NRG3: variants seen among roughly 807,000 people sequenced by gnomAD.
NRG3 encodes neuregulin 3.
Under a neutral mutation model 66.9 loss-of-function variants are expected in NRG3, and 31 were observed. That is an observed-to-expected ratio of 0.46 (90% CI 0.35 to 0.63). The LOEUF (loss-of-function observed/expected upper bound fraction) is 0.63. Among genes scored for constraint, NRG3 ranks in the 20% least tolerant of loss-of-function variants. NRG3 has a pLI of 0.00. For synonymous variants in NRG3, 393 were observed against 359.4 expected (o/e 1.09, Z -1.06); for missense variants, 910 against 878.9 (o/e 1.04, Z -0.45).
intron 1 of NRG3, among the ~76,000 whole-genome samples, chr10:82,172,924 C>T (rs545386854): frequency 1.4e-4 from 22 of 152,210 alleles, no homozygotes; most frequent in African/African-American, 5.3e-4. Context: ...AATTACCTCT[C>T]TCTCTATTAC....
At chr10:81,990,053 A>G (rs1403246496) in intron 1 of NRG3, among the ~76,000 whole-genome samples, 2 of 152,288 alleles carry the variant, frequency 1.3e-5, no homozygotes, top group African/African-American at 4.8e-5. Context: ...AAGAGGCAAA[A>G]TATGCAAAGA....
chr10:81,984,227 G>A (rs1479804553), intron 1 of NRG3, among the ~76,000 whole-genome samples: 1 of 152,256 alleles, frequency 6.6e-6, no homozygotes, highest in East Asian at 1.9e-4. Flanking sequence ...GTTATTTTAA[G>A]CCACTGAAGG....
At chr10:82,197,781 C>A (rs1432991204) in intron 1 of NRG3, among the ~76,000 whole-genome samples, 2 of 152,052 alleles carry the variant, frequency 1.3e-5, no homozygotes, top group Non-Finnish European at 2.9e-5. Flanking sequence ...ATCTGAGAAA[C>A]AAAAATTTTG....
intron 2 of NRG3, among the ~76,000 whole-genome samples, chr10:82,605,110 T>G (rs541789825): frequency 6.6e-6 from 1 of 152,202 alleles, no homozygotes; most frequent in East Asian, 1.9e-4. Flanking sequence ...ACATTCTTAC[T>G]TTGTTTCTGA....
At chr10:81,912,055 C>T (rs756495214) in intron 1 of NRG3, among the ~76,000 whole-genome samples, 28 of 152,084 alleles carry the variant, frequency 1.8e-4, no homozygotes, top group Non-Finnish European at 3.1e-4. Context: ...AAACAATCAC[C>T]GTTAGAAATC....
At chr10:82,485,925 T>A (rs1406916538) in intron 2 of NRG3, among the ~76,000 whole-genome samples, 1 of 152,118 alleles carries the variant, frequency 6.6e-6, no homozygotes, top group Admixed American at 6.6e-5. Context: ...TCTAAAAATG[T>A]AAGAAACTTC....
At chr10:82,877,509 G>A (rs919047221) in intron 4 of NRG3, among the ~76,000 whole-genome samples, 1 of 148,504 alleles carries the variant, frequency 6.7e-6, no homozygotes, top group Non-Finnish European at 1.5e-5. Context: ...GAGTAGCTGG[G>A]ATTACAGGTG....
intron 2 of NRG3, among the ~76,000 whole-genome samples, chr10:82,394,220 C>T (rs187116005): frequency 2.0e-5 from 3 of 152,288 alleles, no homozygotes; most frequent in South Asian, 2.1e-4. Context: ...TCATGTCACA[C>T]TCTGCTTGGC....
chr10:82,472,112 C>T (rs1841323734), intron 2 of NRG3, among the ~76,000 whole-genome samples: 1 of 151,774 alleles, frequency 6.6e-6, no homozygotes, highest in Non-Finnish European at 1.5e-5. Context: ...AACCATAATC[C>T]TTTAATCTTC....
At chr10:82,558,755 C>T (rs939981375) in intron 2 of NRG3, among the ~76,000 whole-genome samples, 2 of 151,990 alleles carry the variant, frequency 1.3e-5, no homozygotes, top group African/African-American at 4.8e-5. Context: ...TTCTTTTAAC[C>T]TCTACTATTC....
chr10:81,931,720 T>C (rs1339249304), intron 1 of NRG3, among the ~76,000 whole-genome samples: 1 of 152,128 alleles, frequency 6.6e-6, no homozygotes, highest in Non-Finnish European at 1.5e-5. Context: ...ACCTCATCGT[T>C]CCCCCTTTTC....
intron 2 of NRG3, among the ~76,000 whole-genome samples, chr10:82,422,295 G>C (rs1464826265): frequency 6.6e-6 from 1 of 152,030 alleles, no homozygotes; most frequent in African/African-American, 2.4e-5. Context: ...CATGTTGTGA[G>C]ATATGTTTGA....
intron 4 of NRG3, among the ~76,000 whole-genome samples, chr10:82,946,531 C>T (rs1849039301): frequency 6.6e-6 from 1 of 151,048 alleles, no homozygotes; most frequent in Admixed American, 6.6e-5. Context: ...GAGCAGGACT[C>T]TGCCTCAAAA....
At chr10:82,871,943 G>A (rs940176630) in intron 4 of NRG3, among the ~76,000 whole-genome samples, 1 of 151,946 alleles carries the variant, frequency 6.6e-6, no homozygotes, top group Non-Finnish European at 1.5e-5. Context: ...CTTCCAGTAT[G>A]ATGTTGAAAA....
chr10:82,354,564 G>A (rs550200812), intron 1 of NRG3, among the ~76,000 whole-genome samples: 2 of 151,884 alleles, frequency 1.3e-5, no homozygotes, highest in African/African-American at 4.8e-5. Context: ...CTAATTTTTT[G>A]TATTTTTAGT....
chr10:82,550,235 A>G (rs1565058627), intron 2 of NRG3, among the ~76,000 whole-genome samples: 2 of 152,142 alleles, frequency 1.3e-5, no homozygotes, highest in Non-Finnish European at 2.9e-5. Context: ...AATATTTAAC[A>G]TTTAAAAAAT....
intron 1 of NRG3, among the ~76,000 whole-genome samples, chr10:82,157,434 G>T (rs1007770541): frequency 1.3e-5 from 2 of 151,706 alleles, no homozygotes; most frequent in Admixed American, 1.3e-4. Context: ...CATTACCTGA[G>T]ATTTTATTTT....
chr10:82,682,993 C>G lies in NRG3; in HGVS notation c.954-55584C>G, dbSNP rs181747542. The stretch of plus-strand genomic sequence containing the variant: ...TTTTTTTCTGAGACAGAGTCTCACT[C>G]TGTCGCCCAGGCTGGAGTGCAGTGG... On this transcript the variant is annotated intron_variant, in intron 2 of 8. Coordinates refer to ENST00000372141, the MANE Select transcript of NRG3 (RefSeq NM_001010848.4). Among the ~76,000 whole-genome samples, 413 of 112,842 alleles carry G rather than the reference C, an allele frequency of 3.7e-3. 1 individual carries two copies. Among genetic ancestry groups the G allele is most frequent in the African/African-American group, 0.014 (394 of 29,168 alleles). 74.0% of individuals were successfully genotyped at this position (112,842 alleles called of 152,430 possible). A position where few individuals can be genotyped will look rare whatever the true frequency, so the allele number is the denominator to read the frequency against.
intron 1 of NRG3, among the ~76,000 whole-genome samples, chr10:82,334,251 A>G (rs759209360): frequency 2.6e-5 from 4 of 152,116 alleles, no homozygotes; most frequent in African/African-American, 7.2e-5. Context: ...TTCTCTCAAT[A>G]TGGACATTCT....
Sources: allele counts gnomAD v4.1 joint callset (sites outside exome capture counted in the v4.1 genomes callset), GRCh38; gene constraint gnomAD v4.1.1; transcripts MANE v1.5; gene names NCBI Gene and HGNC (gene_info 2026-07-23, HGNC 2026-07-21).